LRRC9: variants seen among roughly 807,000 people sequenced by gnomAD.
The protein encoded by LRRC9 is leucine rich repeat containing 9.
LRRC9 carries 122 observed loss-of-function variants against 63.2 expected under a neutral mutation model. That is an observed-to-expected ratio of 1.93 (90% CI 1.67 to 2.24). The LOEUF (loss-of-function observed/expected upper bound fraction) is 2.24, where lower values mean the gene tolerates loss of function less well. Ranked by LOEUF, LRRC9 falls within the 30% of genes most tolerant of loss-of-function variation. The pLI is 0.00. For missense variants in LRRC9, 1,071 were observed against 627.7 expected, an observed-to-expected ratio of 1.71 and a Z score of -7.55; for synonymous variants, 366 against 213.1, an observed-to-expected ratio of 1.72 and a Z score of -6.25.
intron 23 of LRRC9, among the ~76,000 whole-genome samples, chr14:60,009,831 G>C (rs1181054460): frequency 2.0e-5 from 3 of 152,286 alleles, no homozygotes; most frequent in Non-Finnish European, 4.4e-5. Context: ...AAACAAAGGG[G>C]CTACAGGCCG....
intron 7 of LRRC9, among the ~76,000 whole-genome samples, chr14:59,939,045 ATATATACACATATATATACG>A (rs1881445144): frequency 6.8e-6 from 1 of 147,954 alleles, no homozygotes; most frequent in Non-Finnish European, 1.5e-5. Context: ...ACATATATAC[ATATATACACATATATATACG>A]TATATACACA....
At chr14:60,036,180 A>G (rs1291439166) in intron 29 of LRRC9, among the ~76,000 whole-genome samples, 4 of 152,092 alleles carry the variant, frequency 2.6e-5, no homozygotes, top group Non-Finnish European at 5.9e-5. Flanking sequence ...TCTAAACATA[A>G]TCACCTCCCA....
intron 17 of LRRC9, among the ~76,000 whole-genome samples, chr14:59,991,845 T>C (rs1275897201): frequency 6.6e-6 from 1 of 152,050 alleles, no homozygotes; most frequent in Non-Finnish European, 1.5e-5. Context: ...CCACCACAGC[T>C]CAAGGAGGCC....
At chr14:60,047,586 C>T (rs1017838431) in intron 29 of LRRC9, among the ~76,000 whole-genome samples, 3 of 152,156 alleles carry the variant, frequency 2.0e-5, no homozygotes, top group East Asian at 3.8e-4. Context: ...TGTTTCAATT[C>T]AACAAGAGCT....
intron 13 of LRRC9, among the ~76,000 whole-genome samples, chr14:59,975,546 T>A (rs1203943809): frequency 6.6e-6 from 1 of 152,134 alleles, no homozygotes; most frequent in Non-Finnish European, 1.5e-5. Flanking sequence ...TAGCTCATCA[T>A]GTCCTTCTTG....
At position 59,982,081 on chromosome 14, in the gene LRRC9, A is replaced by G. The variant is rs118065864; in HGVS notation, c.2091+21A>G. On this transcript the variant is annotated intron_variant, in intron 16 of 31. Transcript: ENST00000445360. The stretch of plus-strand genomic sequence containing the variant: ...TTGTGGTGAGTATTGTGAGAAATAC[A>G]GCTTTGAGACAGGAATCTTGAATTT... 114 of 675,842 alleles carry G rather than the reference A, an allele frequency of 1.7e-4. No homozygotes were observed. The East Asian group carries it at 2.9e-3, about 17-fold the overall frequency. 41.9% of individuals were successfully genotyped at this position (675,842 alleles called of 1,614,324 possible). A position where few individuals can be genotyped will look rare whatever the true frequency, so the allele number is the denominator to read the frequency against.
intron 8 of LRRC9, among the ~76,000 whole-genome samples, chr14:59,949,627 G>C (rs367786458): frequency 6.7e-6 from 1 of 148,660 alleles, no homozygotes; most frequent in Non-Finnish European, 1.5e-5. Flanking sequence ...TTTCTCTTGT[G>C]GGCATTTAGT....
chr14:59,952,577 T>C (rs147839871), intron 8 of LRRC9, among the ~76,000 whole-genome samples: 1 of 152,354 alleles, frequency 6.6e-6, no homozygotes, highest in African/African-American at 2.4e-5. Context: ...CAGATAACTA[T>C]TAAATTTCCA....
At chr14:59,973,550 G>A (rs1885770289) in intron 12 of LRRC9, 1 of 152,062 alleles carries the variant, frequency 6.6e-6, no homozygotes, top group Non-Finnish European at 1.5e-5. Context: ...AAATGGTGCA[G>A]TATTTGCATA....
intron 1 of LRRC9, among the ~76,000 whole-genome samples, chr14:59,921,690 A>G (rs2139728329): frequency 6.7e-6 from 1 of 150,242 alleles, no homozygotes; most frequent in South Asian, 2.1e-4. Flanking sequence ...GCACATTCAG[A>G]TGGAGCTTTT....
intron 9 of LRRC9, among the ~76,000 whole-genome samples, chr14:59,960,667 G>A (rs969091604): frequency 6.6e-6 from 1 of 152,186 alleles, no homozygotes; most frequent in Non-Finnish European, 1.5e-5. Context: ...AGATCTGAAA[G>A]CTGTAAGTGG....
In LRRC9 at chr14:59,923,012, T is replaced by TG; in HGVS notation, c.-34+3134dup. ...AAGTTCCTGGTGGCTTCTGGTTTTG[T>TG]GGGGGAACTAGAGATGACCTTTAGC... On this transcript the variant is annotated intron_variant, in intron 1 of 31. Transcript: ENST00000445360. This position sits in a 1 kb window ranked among gnomAD's most constrained non-coding sequence, Gnocchi z 4.2. Among the ~76,000 whole-genome samples, 1 of 152,270 alleles carries TG rather than the reference T, an allele frequency of 6.6e-6. No homozygotes were observed. The highest frequency in any genetic ancestry group is 1.9e-4 in the East Asian group (1 of 5,184).
chr14:59,920,920 C>T (rs1205194664), intron 1 of LRRC9, among the ~76,000 whole-genome samples: 1 of 152,214 alleles, frequency 6.6e-6, no homozygotes, highest in African/African-American at 2.4e-5. Flanking sequence ...TTCACAGTTT[C>T]TGCCTTCAAT....
At chr14:59,963,874 A>T (rs1176470009) in intron 10 of LRRC9, among the ~76,000 whole-genome samples, 2 of 152,196 alleles carry the variant, frequency 1.3e-5, no homozygotes, top group Non-Finnish European at 2.9e-5. Flanking sequence ...TAGGATTATA[A>T]AGTATATTTT....
rs1483042416 is a variant in LRRC9 at position 59,930,551 on chromosome 14, TGC to T, written c.268-366_268-365del. On this transcript the variant is annotated intron_variant, in intron 3 of 31. Transcript: ENST00000445360. This position sits in a 1 kb window ranked among gnomAD's most constrained non-coding sequence, Gnocchi z 4.9. ...TTAAAGAGTCCCACAAAATTGTGTG[TGC>T]ATTAGGATTATAAAGTGCTTACATT... Among the ~76,000 whole-genome samples, 2 of 151,896 alleles carry T rather than the reference TGC, an allele frequency of 1.3e-5. No individual in the cohort carries two copies. The highest frequency in any genetic ancestry group is 4.8e-5 in the African/African-American group (2 of 41,412).
At chr14:60,043,890 T>G (rs1893184074) in intron 29 of LRRC9, among the ~76,000 whole-genome samples, 1 of 151,770 alleles carries the variant, frequency 6.6e-6, no homozygotes, top group African/African-American at 2.4e-5. Context: ...GTATTAGTTC[T>G]TTTTTAATGT....
At chr14:59,996,875 C>A (rs535285417) in intron 17 of LRRC9, among the ~76,000 whole-genome samples, 1 of 152,086 alleles carries the variant, frequency 6.6e-6, no homozygotes, top group Non-Finnish European at 1.5e-5. Flanking sequence ...ATAATTCTCA[C>A]GGATGTTTGT....
rs1409083273 is a variant in LRRC9 at position 59,990,731 on chromosome 14, T to A, written c.2211+5507T>A. 2.0e-5 allele frequency among the ~76,000 whole-genome samples: 3 copies of A among 152,174 alleles called. No individual in the cohort carries two copies. Among genetic ancestry groups the A allele is most frequent in the Admixed American group, 6.5e-5 (1 of 15,276 alleles). ...CCCCTTCAGACCTTTTTACTGTGGA[T>A]CCCATGAACTCATCTGGTATTGAAG... On this transcript the variant is annotated intron_variant, in intron 17 of 31. Coordinates refer to ENST00000445360, the Ensembl canonical transcript of LRRC9. This position sits in a 1 kb window ranked among gnomAD's most constrained non-coding sequence, Gnocchi z 4.2.
At chr14:59,977,976 A>G (rs1442942483) in intron 14 of LRRC9, 41 bp from the exon 15 acceptor site, 1 of 674,354 alleles carries the variant, frequency 1.5e-6, no homozygotes, top group Non-Finnish European at 2.7e-6. Context: ...TTTCAATTTG[A>G]GAAAATGTGT....
Sources: gnomAD v4.1 joint callset for allele counts (sites outside exome capture counted in the v4.1 genomes callset) on GRCh38, gnomAD v4.1.1 for gene constraint, Gnocchi (gnomAD v3.1) non-coding constraint, MANE v1.5 for transcripts, NCBI Gene and HGNC (gene_info 2026-07-23, HGNC 2026-07-21) for gene names.